Variants in SGCZ observed in about 807,000 individuals in gnomAD.
The protein encoded by SGCZ is sarcoglycan zeta.
A neutral mutation model predicts 41.3 loss-of-function variants in SGCZ; 40 were observed. The ratio of observed to expected loss-of-function variants is 0.97; its 90% CI spans 0.75 to 1.26. The LOEUF (loss-of-function observed/expected upper bound fraction) is 1.26. SGCZ is among the 50% of genes most tolerant of loss of function. The pLI is 0.00. For synonymous variants in SGCZ, 206 were observed against 137.5 expected (o/e 1.50, Z -3.49); for missense variants, 552 against 369.8 (o/e 1.49, Z -4.04).
chr8:14,373,188 A>C (rs988198406), intron 2 of SGCZ, among the ~76,000 whole-genome samples: 6 of 152,198 alleles, frequency 3.9e-5, no homozygotes, highest in Admixed American at 3.9e-4. Flanking sequence ...GAGGTTAAGC[A>C]AGAAAGAGTG....
chr8:15,062,323 C>G (rs1286820605), intron 1 of SGCZ, among the ~76,000 whole-genome samples: 1 of 152,096 alleles, frequency 6.6e-6, no homozygotes, highest in Non-Finnish European at 1.5e-5. Flanking sequence ...AAAATAAAGC[C>G]TCTTCTTCTA....
At chr8:14,556,704 C>G (rs1275480012) in intron 1 of SGCZ, among the ~76,000 whole-genome samples, 1 of 152,016 alleles carries the variant, frequency 6.6e-6, no homozygotes, top group Non-Finnish European at 1.5e-5. Context: ...TTTTCCATTC[C>G]TAAGTTACTT....
chr8:15,087,786 A>G (rs1806002974), intron 1 of SGCZ, among the ~76,000 whole-genome samples: 1 of 152,166 alleles, frequency 6.6e-6, no homozygotes, highest in African/African-American at 2.4e-5. Context: ...CAACTCCTTA[A>G]GTTTACTCAT....
chr8:14,218,572 G>C (rs971462383), intron 4 of SGCZ, among the ~76,000 whole-genome samples: 2 of 152,178 alleles, frequency 1.3e-5, no homozygotes, highest in African/African-American at 4.8e-5. Flanking sequence ...TGTGACAGTG[G>C]AATGCATTCT....
At chr8:15,190,987 T>C (rs1320509760) in intron 1 of SGCZ, among the ~76,000 whole-genome samples, 3 of 152,064 alleles carry the variant, frequency 2.0e-5, no homozygotes, top group Non-Finnish European at 2.9e-5. Flanking sequence ...AATGACCTAA[T>C]GTGATTCCAA....
At chr8:14,866,516 A>G (rs1339533587) in intron 1 of SGCZ, among the ~76,000 whole-genome samples, 1 of 152,146 alleles carries the variant, frequency 6.6e-6, no homozygotes, top group African/African-American at 2.4e-5. Flanking sequence ...ATGTGCATAT[A>G]TATGAGACTT....
At chr8:14,701,392 T>C (rs951677328) in intron 1 of SGCZ, among the ~76,000 whole-genome samples, 4 of 151,876 alleles carry the variant, frequency 2.6e-5, no homozygotes, top group Non-Finnish European at 4.4e-5. Flanking sequence ...TAAAATCAAC[T>C]CTCTTCCCTC....
intron 2 of SGCZ, among the ~76,000 whole-genome samples, chr8:14,384,338 C>G (rs1303341566): frequency 6.6e-6 from 1 of 152,000 alleles, no homozygotes; most frequent in Non-Finnish European, 1.5e-5. Flanking sequence ...TGCGGCACTG[C>G]TCACAATAGC....
At chr8:14,496,715 T>C (rs1801998029) in intron 2 of SGCZ, among the ~76,000 whole-genome samples, 1 of 152,146 alleles carries the variant, frequency 6.6e-6, no homozygotes, top group African/African-American at 2.4e-5. Context: ...TTTAATTCTT[T>C]TATTCCTTTT....
chr8:15,229,311 C>A (rs567643890), intron 1 of SGCZ, among the ~76,000 whole-genome samples: 11 of 152,182 alleles, frequency 7.2e-5, no homozygotes, highest in African/African-American at 2.6e-4. Flanking sequence ...ATAATTTTAA[C>A]TGTATAAACA....
At chr8:14,450,719 T>A (rs1337662615) in intron 2 of SGCZ, among the ~76,000 whole-genome samples, 2 of 152,156 alleles carry the variant, frequency 1.3e-5, no homozygotes, top group African/African-American at 4.8e-5. Flanking sequence ...TTAGAAAGTT[T>A]AAAGCTCTCA....
chr8:15,107,952 C>G (rs1448798147), intron 1 of SGCZ, among the ~76,000 whole-genome samples: 2 of 152,098 alleles, frequency 1.3e-5, no homozygotes, highest in Non-Finnish European at 2.9e-5. Context: ...TTTGTAAGTT[C>G]TTTAATTCAC....
intron 2 of SGCZ, among the ~76,000 whole-genome samples, chr8:14,335,826 A>G (rs912447457): frequency 6.6e-6 from 1 of 152,140 alleles, no homozygotes; most frequent in African/African-American, 2.4e-5. Flanking sequence ...TCAGCTTGTC[A>G]TTATACCTGC....
At chr8:15,041,494 T>C (rs1259285071) in intron 1 of SGCZ, among the ~76,000 whole-genome samples, 3 of 152,100 alleles carry the variant, frequency 2.0e-5, no homozygotes, top group African/African-American at 7.2e-5. Context: ...ATTTTCTTTA[T>C]ATGGTTTTAG....
intron 1 of SGCZ, among the ~76,000 whole-genome samples, chr8:14,632,954 T>G (rs905982334): frequency 2.0e-5 from 3 of 151,836 alleles, no homozygotes; most frequent in African/African-American, 7.2e-5. Context: ...TATGAAAACT[T>G]TTTGCTTGTT....
At chr8:14,228,570 G>A (rs1258291063) in intron 4 of SGCZ, among the ~76,000 whole-genome samples, 1 of 151,902 alleles carries the variant, frequency 6.6e-6, no homozygotes, top group Non-Finnish European at 1.5e-5. Context: ...GCAGTATTGT[G>A]CACTTAAGAA....
intron 2 of SGCZ, among the ~76,000 whole-genome samples, chr8:14,501,572 A>T (rs1531422): frequency 0.26 from 39,124 of 151,130 alleles, 5,091 homozygotes; most frequent in Admixed American, 0.29. Context: ...GCTTTTCATA[A>T]TCTATATTAT....
chr8:14,743,313 C>A (rs1165654488), intron 1 of SGCZ, among the ~76,000 whole-genome samples: 1 of 151,800 alleles, frequency 6.6e-6, no homozygotes, highest in Non-Finnish European at 1.5e-5. Context: ...ACCTTTATTA[C>A]TGAACATGAA....
intron 2 of SGCZ, among the ~76,000 whole-genome samples, chr8:14,517,962 A>G (rs1802674793): frequency 6.6e-6 from 1 of 151,752 alleles, no homozygotes; most frequent in South Asian, 2.1e-4. Flanking sequence ...TCTATGATTT[A>G]TTTGTTGATT....
Sources: allele counts gnomAD v4.1 joint callset (sites outside exome capture counted in the v4.1 genomes callset), GRCh38; gene constraint gnomAD v4.1.1; transcripts MANE v1.5; gene names NCBI Gene and HGNC (gene_info 2026-07-23, HGNC 2026-07-21).